DLC1: variants seen among roughly 807,000 people sequenced by gnomAD.
DLC1 encodes the protein DLC1 Rho GTPase activating protein, also known as rho GTPase-activating protein 7.
DLC1 carries 54 observed loss-of-function variants against 140.3 expected under a neutral mutation model. That is an observed-to-expected ratio of 0.38 (90% CI 0.31 to 0.48). The LOEUF is 0.48. Among genes scored for constraint, DLC1 ranks in the 20% least tolerant of loss-of-function variants. DLC1 has a pLI of 0.96. For synonymous variants in DLC1, 986 were observed against 728.1 expected (o/e 1.35, Z -5.70); for missense variants, 2,536 against 1,907.0 (o/e 1.33, Z -6.14).
At chr8:13,453,253 C>G (rs1305705300) in intron 2 of DLC1, among the ~76,000 whole-genome samples, 1 of 147,194 alleles carries the variant, frequency 6.8e-6, no homozygotes, top group Non-Finnish European at 1.5e-5. Context: ...ATTAAGAAGA[C>G]TAAAGATTCA....
At chr8:13,547,744 A>C (rs755253924) in intron 1 of DLC1, among the ~76,000 whole-genome samples, 5 of 152,020 alleles carry the variant, frequency 3.3e-5, no homozygotes, top group African/African-American at 7.2e-5. Flanking sequence ...CTCATCTATC[A>C]ATCCCTAACT....
At chr8:13,592,378 C>G (rs1171645591) in intron 1 of DLC1, among the ~76,000 whole-genome samples, 1 of 151,708 alleles carries the variant, frequency 6.6e-6, no homozygotes, top group African/African-American at 2.4e-5. Flanking sequence ...TTATATTTGT[C>G]TTTTATTTGT....
At position 13,088,553 on chromosome 8, in the gene DLC1, G is replaced by C. The variant is rs773943214; in HGVS notation, c.4226C>G (p.Thr1409Ser). ...GTTTTGGACATACTGGTAAATTTCA[G>C]TTTGGCTGTCCAGAATTTCGATCAC... The part of the protein sequence containing the change: ...SKVIEILDSQ[T>S]EIYQYVQNSM... Residue 1409 changes from threonine (T) to serine (S), a missense_variant, in exon 16 of 18, where the codon ACT (threonine) becomes AGT (serine). Transcript: ENST00000276297. 3.0e-5 allele frequency: 49 copies of C among 1,614,062 alleles called. No individual in the cohort carries two copies. Among genetic ancestry groups the C allele is most frequent in the East Asian group, 1.1e-4 (5 of 44,880 alleles).
chr8:13,126,110 A>G (rs1185727501), intron 5 of DLC1, among the ~76,000 whole-genome samples: 1 of 152,152 alleles, frequency 6.6e-6, no homozygotes. Context: ...ACAGCTCTGG[A>G]TGAATTTGAG....
At chr8:13,132,864 G>A (rs1822231686) in intron 5 of DLC1, 2 of 1,510,294 alleles carry the variant, frequency 1.3e-6, no homozygotes, top group Admixed American at 1.9e-5. Context: ...GACAAGGCGG[G>A]GTGACACTTT....
At chr8:13,572,629 T>C (rs756860470) in intron 1 of DLC1, among the ~76,000 whole-genome samples, 4 of 152,326 alleles carry the variant, frequency 2.6e-5, no homozygotes, top group East Asian at 1.9e-4. Context: ...CTTATAGTTA[T>C]GTATTTAATC....
chr8:13,579,352 T>TA (rs1804976954), intron 1 of DLC1, among the ~76,000 whole-genome samples: 1 of 31,516 alleles, frequency 3.2e-5, no homozygotes, highest in African/African-American at 1.4e-4. Context: ...TATATATATA[T>TA]ATATATATAT....
intron 2 of DLC1, among the ~76,000 whole-genome samples, chr8:13,407,326 GTCTCC>G (rs1837613353): frequency 6.6e-6 from 1 of 152,156 alleles, no homozygotes; most frequent in Admixed American, 6.5e-5. Context: ...AACAACAGGA[GTCTCC>G]TCTCTGCTTC....
At chr8:13,541,150 C>T (rs1021453404) in intron 1 of DLC1, among the ~76,000 whole-genome samples, 1 of 152,130 alleles carries the variant, frequency 6.6e-6, no homozygotes, top group East Asian at 1.9e-4. Context: ...CTTTTTATTG[C>T]TGAGTAGTAT....
At chr8:13,114,087 C>T (rs1223692796) in intron 6 of DLC1, among the ~76,000 whole-genome samples, 1 of 152,196 alleles carries the variant, frequency 6.6e-6, no homozygotes, top group Admixed American at 6.5e-5. Context: ...CTAGGCCAGG[C>T]GTGGTTGCTC....
intron 5 of DLC1, among the ~76,000 whole-genome samples, chr8:13,125,372 C>T (rs770869159): frequency 2.0e-5 from 3 of 152,198 alleles, no homozygotes; most frequent in Non-Finnish European, 4.4e-5. Flanking sequence ...TGCTTCTGTG[C>T]GTGTCTATAG....
At chr8:13,311,445 T>C (rs1057105573) in intron 4 of DLC1, among the ~76,000 whole-genome samples, 1 of 152,176 alleles carries the variant, frequency 6.6e-6, no homozygotes, top group Non-Finnish European at 1.5e-5. Flanking sequence ...GATGTGCTGG[T>C]GTAAGGATTG....
chr8:13,489,449 A>ACACACACACAC lies in DLC1; in HGVS notation c.1023+9599_1023+9600insGTGTGTGTGTG, dbSNP rs56002951. Among the ~76,000 whole-genome samples, 633 of 149,926 alleles carry ACACACACACAC rather than the reference A, an allele frequency of 4.2e-3. 5 individuals carry two copies. Among genetic ancestry groups the ACACACACACAC allele is most frequent in the Non-Finnish European group, 6.3e-3 (428 of 67,424 alleles). Reference sequence around the variant, plus strand: ...CACACACACACACACACACACACACAAAATGTTGCTACTATTAAGAATAGC... The same window carrying ACACACACACAC: ...CACACACACACACACACACACACACACACACACACACAAATGTTGCTACTATTAAGAATAGC... On this transcript the variant is annotated intron_variant, in intron 2 of 17. Coordinates refer to ENST00000276297, the MANE Select transcript of DLC1 (RefSeq NM_182643.3).
At chr8:13,303,804 A>T (rs1000456558) in intron 5 of DLC1, among the ~76,000 whole-genome samples, 2 of 152,214 alleles carry the variant, frequency 1.3e-5, no homozygotes, top group African/African-American at 4.8e-5. Flanking sequence ...TCCATCTCAA[A>T]AAAAAATATT....
At chr8:13,525,932 T>C (rs1802909201) in intron 1 of DLC1, among the ~76,000 whole-genome samples, 1 of 152,220 alleles carries the variant, frequency 6.6e-6, no homozygotes, top group Non-Finnish European at 1.5e-5. Flanking sequence ...CTACACTATA[T>C]GCTAGAAGTT....
intron 5 of DLC1, among the ~76,000 whole-genome samples, chr8:13,120,012 G>C (rs1329705305): frequency 1.3e-5 from 2 of 150,916 alleles, no homozygotes; most frequent in Non-Finnish European, 2.9e-5. Context: ...AAAATGCAAG[G>C]TTCTTCCTGC....
intron 1 of DLC1, among the ~76,000 whole-genome samples, chr8:13,588,621 T>C (rs946511581): frequency 6.6e-6 from 1 of 151,922 alleles, no homozygotes; most frequent in African/African-American, 2.4e-5. Flanking sequence ...TGACAGAAAA[T>C]AGTCTTAAAT....
intron 2 of DLC1, among the ~76,000 whole-genome samples, chr8:13,434,723 G>A (rs369150013): frequency 6.6e-6 from 1 of 152,154 alleles, no homozygotes. Context: ...CTGCTGCCCA[G>A]GCTGGAGTGC....
chr8:13,453,390 A>ATATATATATATATATATATATATGTATG (rs1563359392), intron 2 of DLC1, among the ~76,000 whole-genome samples: 2 of 55,742 alleles, frequency 3.6e-5, no homozygotes, highest in Admixed American at 5.7e-4. Flanking sequence ...GGCCCAGGAT[A>ATATATATATATATATATATATATGTATG]TATATATATA....
Sources: allele counts gnomAD v4.1 joint callset (sites outside exome capture counted in the v4.1 genomes callset), GRCh38; gene constraint gnomAD v4.1.1; transcripts MANE v1.5; gene names NCBI Gene and HGNC (gene_info 2026-07-23, HGNC 2026-07-21).